Variants in CTNNA3 observed in about 807,000 individuals in gnomAD.
The protein encoded by CTNNA3 is catenin alpha-3.
CTNNA3 carries 76 observed loss-of-function variants against 95.7 expected under a neutral mutation model. That is an observed-to-expected ratio of 0.79 (90% CI 0.66 to 0.96). The LOEUF is 0.96. Among genes scored for constraint, CTNNA3 ranks in the 40% least tolerant of loss-of-function variants. The pLI, the probability that CTNNA3 is intolerant of heterozygous loss-of-function variation, is 0.00. For missense variants in CTNNA3, 1,191 were observed against 1,089.8 expected (o/e 1.09, Z -1.31); for synonymous variants, 431 against 374.4 (o/e 1.15, Z -1.74).
At chr10:67,393,133 C>G (rs1451751835) in intron 5 of CTNNA3, among the ~76,000 whole-genome samples, 1 of 151,890 alleles carries the variant, frequency 6.6e-6, no homozygotes, top group Non-Finnish European at 1.5e-5. Flanking sequence ...TACCTCAGAC[C>G]TGCAGTATGG....
chr10:67,631,957 A>G (rs1321706654), intron 2 of CTNNA3, among the ~76,000 whole-genome samples: 1 of 152,198 alleles, frequency 6.6e-6, no homozygotes, highest in Non-Finnish European at 1.5e-5. Flanking sequence ...GGTGGTTTCC[A>G]GGTGCTAGCG....
intron 1 of CTNNA3, among the ~76,000 whole-genome samples, chr10:67,670,038 G>A (rs938504143): frequency 6.6e-6 from 1 of 152,150 alleles, no homozygotes; most frequent in Admixed American, 6.5e-5. Context: ...GGAAGAGTGG[G>A]TATAGAATGG....
intron 7 of CTNNA3, among the ~76,000 whole-genome samples, chr10:66,914,291 C>T (rs28529349): frequency 0.084 from 12,716 of 151,878 alleles, 632 homozygotes; most frequent in African/African-American, 0.14. Context: ...CTACCACGGC[C>T]GGAGAATTTT....
intron 7 of CTNNA3, among the ~76,000 whole-genome samples, chr10:66,955,986 G>A (rs1470236770): frequency 6.6e-6 from 1 of 152,082 alleles, no homozygotes; most frequent in Admixed American, 6.6e-5. Flanking sequence ...AGAAAGGGGT[G>A]CTCAAATCTA....
At chr10:67,507,154 G>C (rs1839450932) in intron 5 of CTNNA3, among the ~76,000 whole-genome samples, 1 of 152,178 alleles carries the variant, frequency 6.6e-6, no homozygotes, top group African/African-American at 2.4e-5. Context: ...AGAAGAAATG[G>C]ATAAATTCCT....
intron 16 of CTNNA3, among the ~76,000 whole-genome samples, chr10:65,968,118 A>C (rs942082461): frequency 6.6e-6 from 1 of 152,252 alleles, no homozygotes; most frequent in South Asian, 2.1e-4. Flanking sequence ...TGCCAGACGC[A>C]GTGGCTCATG....
At chr10:66,814,344 T>C (rs1476613054) in intron 7 of CTNNA3, among the ~76,000 whole-genome samples, 2 of 151,774 alleles carry the variant, frequency 1.3e-5, no homozygotes, top group Non-Finnish European at 2.9e-5. Context: ...AATGAAAGAA[T>C]GAAAAGTTAA....
intron 13 of CTNNA3, among the ~76,000 whole-genome samples, chr10:66,270,240 G>C (rs1223967980): frequency 1.3e-5 from 2 of 148,714 alleles, no homozygotes. Flanking sequence ...GGGGGGCAGG[G>C]TCTCACTTTG....
chr10:66,546,128 T>C (rs1432069841), intron 10 of CTNNA3, among the ~76,000 whole-genome samples: 1 of 151,936 alleles, frequency 6.6e-6, no homozygotes, highest in African/African-American at 2.4e-5. Context: ...TTTATTTTTA[T>C]GTTTACTACT....
intron 7 of CTNNA3, among the ~76,000 whole-genome samples, chr10:66,800,464 A>G (rs1841388489): frequency 6.6e-6 from 1 of 151,340 alleles, no homozygotes; most frequent in South Asian, 2.1e-4. Context: ...GAAAAATTCA[A>G]TAACACTTCT....
chr10:66,334,153 A>G (rs746511783), intron 12 of CTNNA3, among the ~76,000 whole-genome samples: 1 of 151,982 alleles, frequency 6.6e-6, no homozygotes, highest in Admixed American at 6.5e-5. Context: ...TCCTGAATAC[A>G]GCACACTGAT....
intron 12 of CTNNA3, among the ~76,000 whole-genome samples, chr10:66,287,237 T>C (rs1295896731): frequency 6.6e-6 from 1 of 152,052 alleles, no homozygotes; most frequent in African/African-American, 2.4e-5. Flanking sequence ...CAAGGCTTCA[T>C]TGAGCTATGA....
chr10:67,192,009 TG>T (rs1863141397), intron 6 of CTNNA3, among the ~76,000 whole-genome samples: 1 of 151,968 alleles, frequency 6.6e-6, no homozygotes, highest in Non-Finnish European at 1.5e-5. Context: ...TAAATGGTGC[TG>T]GGAAAACTGA....
intron 17 of CTNNA3, among the ~76,000 whole-genome samples, chr10:65,924,543 C>T (rs2077136595): frequency 6.6e-6 from 1 of 152,174 alleles, no homozygotes; most frequent in Non-Finnish European, 1.5e-5. Context: ...ATTTTCAACT[C>T]TTTCAATCTC....
chr10:65,925,964 C>A (rs568002267), intron 17 of CTNNA3, among the ~76,000 whole-genome samples: 14 of 150,938 alleles, frequency 9.3e-5, no homozygotes, highest in African/African-American at 3.2e-4. Context: ...TAAAATGACA[C>A]ATATATATCA....
At chr10:67,492,250 A>G (rs1223786713) in intron 5 of CTNNA3, among the ~76,000 whole-genome samples, 3 of 152,126 alleles carry the variant, frequency 2.0e-5, no homozygotes, top group Non-Finnish European at 4.4e-5. Context: ...TGGGAGAAAA[A>G]AAAAGAAAAT....
intron 13 of CTNNA3, among the ~76,000 whole-genome samples, chr10:66,280,109 G>A (rs1476360174): frequency 6.6e-6 from 1 of 151,970 alleles, no homozygotes; most frequent in Admixed American, 6.6e-5. Context: ...ACAGTGATAA[G>A]AAAGATTCTT....
chr10:67,213,174 G>C lies in CTNNA3; in HGVS notation c.843+6433C>G, dbSNP rs559522204. 4.0e-5 allele frequency among the ~76,000 whole-genome samples: 6 copies of C among 151,378 alleles called. No homozygotes were observed. In the South Asian group the frequency reaches 6.3e-4, roughly 16 times the overall value. On this transcript the variant is annotated intron_variant, in intron 6 of 17. Coordinates refer to ENST00000433211, the MANE Select transcript of CTNNA3 (RefSeq NM_013266.4). ...AATTTTGTTAATTTATATTTTCTTA[G>C]GAATTTTTCCATTTCATCCAAATTT... is the stretch of plus-strand genomic sequence containing the variant.
intron 13 of CTNNA3, among the ~76,000 whole-genome samples, chr10:66,131,649 A>G (rs1013526828): frequency 1.8e-4 from 27 of 152,198 alleles, no homozygotes; most frequent in African/African-American, 6.0e-4. Flanking sequence ...ACTTCAAACT[A>G]TACTACAGGA....
Sources: allele counts gnomAD v4.1 joint callset (sites outside exome capture counted in the v4.1 genomes callset), GRCh38; gene constraint gnomAD v4.1.1; transcripts MANE v1.5; gene names NCBI Gene and HGNC (gene_info 2026-07-23, HGNC 2026-07-21).